The following VWA8 variants were observed in gnomAD, a reference collection of about 807,000 sequenced individuals.
The protein encoded by VWA8 is von Willebrand factor A domain containing 8.
A neutral mutation model predicts 241.5 loss-of-function variants in VWA8; 221 were observed. The observed-to-expected ratio is 0.91, with a 90% CI of 0.82 to 1.02. VWA8 has a LOEUF of 1.02. Among genes scored for constraint, VWA8 ranks in the 50% least tolerant of loss-of-function variants. The pLI is 0.00. For missense variants in VWA8, 2,322 were observed against 2,328.7 expected, an observed-to-expected ratio of 1.00 and a Z score of 0.06; for synonymous variants, 852 against 827.1, an observed-to-expected ratio of 1.03 and a Z score of -0.52.
At chr13:41,898,190 AT>A (rs1875222636) in intron 4 of VWA8, among the ~76,000 whole-genome samples, 1 of 151,728 alleles carries the variant, frequency 6.6e-6, no homozygotes, top group Non-Finnish European at 1.5e-5. Flanking sequence ...TGAGCTAGAC[AT>A]AAAGGTTCTC....
chr13:41,933,126 C>T (rs1027498855), intron 2 of VWA8, among the ~76,000 whole-genome samples: 3 of 151,730 alleles, frequency 2.0e-5, no homozygotes, highest in South Asian at 2.1e-4. Flanking sequence ...AACTAATAAG[C>T]GAGTTTTGCA....
At chr13:41,568,756 G>C (rs917567407) in intron 44 of VWA8, among the ~76,000 whole-genome samples, 9 of 152,092 alleles carry the variant, frequency 5.9e-5, no homozygotes, top group Non-Finnish European at 1.3e-4. Context: ...GCCAAACCCT[G>C]AGTGGTTCTT....
At chr13:41,870,982 G>A (rs1873574111) in intron 9 of VWA8, among the ~76,000 whole-genome samples, 1 of 152,168 alleles carries the variant, frequency 6.6e-6, no homozygotes, top group South Asian at 2.1e-4. Flanking sequence ...GTATTAATCA[G>A]AAAGGTACCC....
intron 42 of VWA8, among the ~76,000 whole-genome samples, chr13:41,586,358 G>A (rs1465149955): frequency 1.3e-5 from 2 of 152,136 alleles, no homozygotes; most frequent in African/African-American, 2.4e-5. Context: ...CTAATCACAA[G>A]GGGAAACACA....
intron 12 of VWA8, among the ~76,000 whole-genome samples, chr13:41,851,121 T>C (rs985380176): frequency 6.6e-6 from 1 of 152,182 alleles, no homozygotes; most frequent in Non-Finnish European, 1.5e-5. Context: ...TGAGAACTTA[T>C]TCATTCTGCT....
intron 44 of VWA8, among the ~76,000 whole-genome samples, chr13:41,568,757 A>G (rs955113879): frequency 6.6e-6 from 1 of 152,040 alleles, no homozygotes; most frequent in African/African-American, 2.4e-5. Context: ...CCAAACCCTG[A>G]GTGGTTCTTT....
Position 41,628,029 on chromosome 13 carries a change from T to TGTACACC in VWA8, c.4612-12946_4612-12945insGGTGTAC, listed in dbSNP as rs777763313. Among the ~76,000 whole-genome samples the TGTACACC allele has an allele frequency of 4.1e-3, 630 of 152,258 alleles. 2 individuals carry two copies. The highest frequency in any genetic ancestry group is 5.9e-3 in the Non-Finnish European group (401 of 68,020). On this transcript the variant is annotated intron_variant, in intron 37 of 44. Transcript: ENST00000379310. ...ACCGAGTAAATGACTTTGTAACTTTTCTTCATCCACTTGATTTACATAGGG... is the reference window on the plus strand; with the variant it reads ...ACCGAGTAAATGACTTTGTAACTTTTGTACACCCTTCATCCACTTGATTTACATAGGG...
At chr13:41,714,836 G>C (rs760180398) in intron 26 of VWA8, among the ~76,000 whole-genome samples, 49 of 151,838 alleles carry the variant, frequency 3.2e-4, no homozygotes, top group Non-Finnish European at 6.0e-4. Flanking sequence ...ATAAGAATTT[G>C]TATATTGTAT....
intron 10 of VWA8, 69 bp from the exon 11 acceptor site, chr13:41,866,105 T>C (rs1401106733): frequency 1.9e-6 from 3 of 1,575,618 alleles, no homozygotes; most frequent in Admixed American, 1.7e-5. Context: ...CCCAACACTT[T>C]GGGAGGCCAA....
At chr13:41,568,387 C>T in intron 44 of VWA8, 82 bp from the exon 45 acceptor site, 1 of 1,083,676 alleles carries the variant, frequency 9.2e-7, no homozygotes, top group Non-Finnish European at 1.4e-6. Flanking sequence ...CCACAGCCCC[C>T]TAATGGTTTC....
intron 39 of VWA8, among the ~76,000 whole-genome samples, chr13:41,608,834 T>C: frequency 6.6e-6 from 1 of 152,204 alleles, no homozygotes; most frequent in South Asian, 2.1e-4. Flanking sequence ...CTGCCTGAGT[T>C]AATACATTCT....
At chr13:41,583,472 G>A (rs2044396757) in intron 42 of VWA8, among the ~76,000 whole-genome samples, 1 of 151,906 alleles carries the variant, frequency 6.6e-6, no homozygotes, top group African/African-American at 2.4e-5. Flanking sequence ...TGAAACCACT[G>A]TCTCTACTAA....
chr13:41,625,886 G>A (rs1593658506), intron 37 of VWA8, among the ~76,000 whole-genome samples: 1 of 151,838 alleles, frequency 6.6e-6, no homozygotes, highest in Non-Finnish European at 1.5e-5. Flanking sequence ...TATACACCAT[G>A]GAATACTATG....
intron 21 of VWA8, among the ~76,000 whole-genome samples, chr13:41,748,485 C>A (rs2045627701): frequency 6.6e-6 from 1 of 152,112 alleles, no homozygotes; most frequent in African/African-American, 2.4e-5. Flanking sequence ...TGATTCTTCT[C>A]TCTTTTCTTC....
intron 27 of VWA8, among the ~76,000 whole-genome samples, chr13:41,701,914 C>T (rs545270092): frequency 2.0e-5 from 3 of 152,198 alleles, no homozygotes; most frequent in Non-Finnish European, 4.4e-5. Flanking sequence ...GAGCCTGATG[C>T]ATTTCCATTG....
chr13:41,819,419 A>T, intron 14 of VWA8, 33 bp from the exon 15 acceptor site: 1 of 1,578,832 alleles, frequency 6.3e-7, no homozygotes, highest in South Asian at 1.2e-5. Flanking sequence ...AAAAAATAAC[A>T]TATCTTTCAT....
At chr13:41,683,577 A>C (rs549547783) in intron 35 of VWA8, among the ~76,000 whole-genome samples, 2 of 152,246 alleles carry the variant, frequency 1.3e-5, no homozygotes, top group African/African-American at 4.8e-5. Context: ...GAAATGGTGA[A>C]TTTTACTGTA....
chr13:41,875,172 G>C (rs1395750093), intron 9 of VWA8, among the ~76,000 whole-genome samples: 1 of 152,070 alleles, frequency 6.6e-6, no homozygotes, highest in Admixed American at 6.6e-5. Context: ...TGTTTCAGTA[G>C]AAAGGACTTC....
intron 37 of VWA8, among the ~76,000 whole-genome samples, chr13:41,661,956 T>C (rs932637274): frequency 6.6e-6 from 1 of 152,214 alleles, no homozygotes; most frequent in Admixed American, 6.5e-5. Flanking sequence ...GTTGGCAATA[T>C]GTCTGTGGGT....
Sources: allele counts gnomAD v4.1 joint callset (sites outside exome capture counted in the v4.1 genomes callset), GRCh38; gene constraint gnomAD v4.1.1; transcripts MANE v1.5; gene names NCBI Gene and HGNC (gene_info 2026-07-23, HGNC 2026-07-21).